DYTN: variants seen among roughly 807,000 people sequenced by gnomAD.
DYTN encodes the protein dystrotelin.
Under a neutral mutation model 69.6 loss-of-function variants are expected in DYTN, and 75 were observed. The observed-to-expected ratio is 1.08, with a 90% CI of 0.89 to 1.31. The LOEUF (loss-of-function observed/expected upper bound fraction) is 1.31, where lower values mean the gene tolerates loss of function less well. DYTN is among the 50% of genes most tolerant of loss of function. DYTN has a pLI of 0.00. For missense variants in DYTN, 726 were observed against 688.4 expected, an observed-to-expected ratio of 1.05 and a Z score of -0.61; for synonymous variants, 252 against 249.1, an observed-to-expected ratio of 1.01 and a Z score of -0.11.
chr2:206,694,684 CACTGGAG>C lies in DYTN; in HGVS notation c.831+75_831+81del. The C allele has an allele frequency of 6.2e-6, 7 of 1,130,376 alleles. No individual in the cohort carries two copies. The South Asian group carries it at 1.4e-4, about 23-fold the overall frequency. 70.0% of individuals were successfully genotyped at this position (1,130,376 alleles called of 1,614,324 possible). On this transcript the variant is annotated intron_variant, in intron 8 of 11. Transcript: ENST00000452335. ...ATGACAGGAGCAGAATCTGTGGTTT[CACTGGAG>C]GGAAGGTTTTTTCATGGCTATAGCT...
At chr2:206,660,023 A>T (rs368473286) in intron 11 of DYTN, among the ~76,000 whole-genome samples, 43,411 of 151,852 alleles carry the variant, frequency 0.29, 6,282 homozygotes, top group Middle Eastern at 0.3. Context: ...TCTTGCAAAG[A>T]AAAAAAGATG....
At chr2:206,680,768 C>G (rs1003450903) in intron 9 of DYTN, among the ~76,000 whole-genome samples, 1 of 152,138 alleles carries the variant, frequency 6.6e-6, no homozygotes, top group African/African-American at 2.4e-5. Context: ...TATCCCACCC[C>G]CTCTTTGCTG....
At chr2:206,680,313 G>A (rs1699736988) in intron 9 of DYTN, among the ~76,000 whole-genome samples, 1 of 152,132 alleles carries the variant, frequency 6.6e-6, no homozygotes, top group African/African-American at 2.4e-5. Flanking sequence ...CTGCCCCCAT[G>A]ATTCAATTAC....
chr2:206,681,834 T>C (rs1006576399), intron 9 of DYTN, among the ~76,000 whole-genome samples: 1 of 152,198 alleles, frequency 6.6e-6, no homozygotes, highest in African/African-American at 2.4e-5. Context: ...GGCCTGAAGT[T>C]TTCTTTTTTT....
At chr2:206,655,102 T>C (rs150165563) in intron 11 of DYTN, among the ~76,000 whole-genome samples, 4 of 152,320 alleles carry the variant, frequency 2.6e-5, no homozygotes, top group African/African-American at 9.6e-5. Flanking sequence ...AAAAGGAATA[T>C]GATGTTAGCT....
chr2:206,715,424 T>C (rs1700117558), intron 1 of DYTN, among the ~76,000 whole-genome samples: 1 of 152,104 alleles, frequency 6.6e-6, no homozygotes. Context: ...GCTGCCCGTA[T>C]ATATCAGGGC....
chr2:206,693,106 C>T (rs895330517), intron 9 of DYTN, 69 bp downstream of exon 9: 9 of 1,500,622 alleles, frequency 6.0e-6, no homozygotes, highest in African/African-American at 2.8e-5. Flanking sequence ...GATTGCTGGC[C>T]GGTTACCATA....
chr2:206,690,149 G>C (rs1218519923), intron 9 of DYTN, among the ~76,000 whole-genome samples: 1 of 152,208 alleles, frequency 6.6e-6, no homozygotes, highest in Non-Finnish European at 1.5e-5. Flanking sequence ...TGTCAGGAAA[G>C]GCCTTCAGGA....
rs1209015971 is a variant in DYTN at position 206,704,877 on chromosome 2, CT to C, written c.448del (p.Arg150GlyfsTer3). The C allele has an allele frequency of 3.1e-6, 5 of 1,613,518 alleles. No individual in the cohort carries two copies. The Admixed American group carries it at 8.3e-5, about 27-fold the overall frequency. ...GYDSGPRMTR[R>X]VLRKLLTDLQ... ...ATCTGTTAGTAGTTTTCTCAAAACC[CT>C]TCGAGTCATGCGTGGCCCAGAATCA... is the stretch of plus-strand genomic sequence containing the variant. On this transcript the variant is annotated frameshift_variant, in exon 5 of 12. Coordinates refer to ENST00000452335, the MANE Select transcript of DYTN (RefSeq NM_001093730.1). LOFTEE classifies it high-confidence loss of function.
At chr2:206,718,158 C>T in intron 1 of DYTN, 103 bp downstream of exon 1, 3 of 1,258,710 alleles carry the variant, frequency 2.4e-6, no homozygotes, top group South Asian at 3.6e-5. Context: ...CAGAAATTTG[C>T]CAAATGTTTA....
At chr2:206,679,770 G>T (rs1462820762) in intron 9 of DYTN, among the ~76,000 whole-genome samples, 5 of 152,104 alleles carry the variant, frequency 3.3e-5, no homozygotes, top group Non-Finnish European at 7.3e-5. Flanking sequence ...GGAAAGACAC[G>T]ATTATTCTGT....
intron 11 of DYTN, among the ~76,000 whole-genome samples, chr2:206,655,747 G>T (rs1179159667): frequency 6.6e-6 from 1 of 151,906 alleles, no homozygotes; most frequent in Non-Finnish European, 1.5e-5. Flanking sequence ...TTGACCCACT[G>T]GTTGTTCAAG....
intron 11 of DYTN, among the ~76,000 whole-genome samples, chr2:206,652,580 A>C: frequency 6.6e-6 from 1 of 152,380 alleles, no homozygotes; most frequent in East Asian, 1.9e-4. Context: ...TACACACCAA[A>C]GTATTTTTGT....
intron 5 of DYTN, among the ~76,000 whole-genome samples, chr2:206,701,742 T>C (rs1256778803): frequency 6.6e-6 from 1 of 152,138 alleles, no homozygotes; most frequent in Admixed American, 6.5e-5. Flanking sequence ...TACTGTATTG[T>C]TTACTTGAGA....
chr2:206,705,851 G>A lies in DYTN; in HGVS notation c.319C>T (p.Leu107Phe), dbSNP rs777695645. The change falls in exon 4 of 12, where the codon CTT becomes TTT. Residue 107 changes from leucine (L) to phenylalanine (F), a missense_variant. Transcript: ENST00000452335. ...YNSKGTGFLQ[L>F]MPAAAALITL... The stretch of plus-strand genomic sequence containing the variant: ...ATTAGGGCAGCGGCCGCAGGCATAA[G>A]CTGGAGAAAACCTGTTCCTTTGCTG... 3.1e-6 allele frequency: 5 copies of A among 1,613,756 alleles called. No homozygotes were observed. Among genetic ancestry groups the A allele is most frequent in the South Asian group, 1.1e-5 (1 of 91,060 alleles).
rs183508298 is a variant in DYTN at position 206,681,753 on chromosome 2, C to T, written c.980+11422G>A. On this transcript the variant is annotated intron_variant, in intron 9 of 11. Coordinates refer to ENST00000452335, the MANE Select transcript of DYTN (RefSeq NM_001093730.1). The stretch of plus-strand genomic sequence containing the variant: ...ACTTGATTGTGGTGGATAAGATTTT[C>T]GATGTGCTGCTGGATTCAATTTGCC... 9.6e-3 allele frequency among the ~76,000 whole-genome samples: 1,454 copies of T among 152,136 alleles called. 24 individuals carry two copies. Among genetic ancestry groups the T allele is most frequent in the African/African-American group, 0.032 (1,312 of 41,514 alleles).
chr2:206,698,583 T>A lies in DYTN; in HGVS notation c.719+1144A>T, dbSNP rs111237094. 6.4e-3 allele frequency among the ~76,000 whole-genome samples: 977 copies of A among 152,328 alleles called. 4 individuals carry two copies. Among genetic ancestry groups the A allele is most frequent in the African/African-American group, 0.011 (463 of 41,578 alleles). On this transcript the variant is annotated intron_variant, in intron 7 of 11. Coordinates refer to ENST00000452335, the MANE Select transcript of DYTN (RefSeq NM_001093730.1). ...CTGTTCACTCATCGTGAATAATGGC[T>A]TCTTCCATGCCTGGCCTACACCTGG... is the stretch of plus-strand genomic sequence containing the variant.
At chr2:206,681,605 A>C (rs1389729559) in intron 9 of DYTN, among the ~76,000 whole-genome samples, 1 of 152,086 alleles carries the variant, frequency 6.6e-6, no homozygotes, top group Non-Finnish European at 1.5e-5. Context: ...AATTTTATTG[A>C]AGGCCTTTTC....
chr2:206,651,647 A>G lies in DYTN; in HGVS notation c.*171T>C. The stretch of plus-strand genomic sequence containing the variant: ...TGCTAACCCCCAACCTTCACTCTGA[A>G]CTGCAGAACTAAGATACATAAGTAG... On this transcript the variant is annotated 3_prime_UTR_variant, in exon 12 of 12. Transcript: ENST00000452335. The G allele has an allele frequency of 1.7e-6, 1 of 579,524 alleles. No homozygotes were observed. Among genetic ancestry groups the G allele is most frequent in the Non-Finnish European group, 3.1e-6 (1 of 322,748 alleles). The allele number at this position is 579,524 out of a possible 1,614,324, so 35.9% of individuals were successfully genotyped here. A position where few individuals can be genotyped will look rare whatever the true frequency, so the allele number is the denominator to read the frequency against.
Sources: allele counts gnomAD v4.1 joint callset (sites outside exome capture counted in the v4.1 genomes callset), GRCh38; gene constraint gnomAD v4.1.1; transcripts MANE v1.5; gene names NCBI Gene and HGNC (gene_info 2026-07-23, HGNC 2026-07-21).